ADAMTS3: variants seen among roughly 807,000 people sequenced by gnomAD.
ADAMTS3 encodes A disintegrin and metalloproteinase with thrombospondin motifs 3.
Under a neutral mutation model 129.0 loss-of-function variants are expected in ADAMTS3, and 73 were observed. That is an observed-to-expected ratio of 0.57 (90% CI 0.47 to 0.69). ADAMTS3 has a LOEUF of 0.69. ADAMTS3 is among the 30% of genes least tolerant of loss of function. ADAMTS3 has a pLI of 0.00. For missense variants in ADAMTS3, 1,457 were observed against 1,514.5 expected, an observed-to-expected ratio of 0.96 and a Z score of 0.63; for synonymous variants, 477 against 510.8, an observed-to-expected ratio of 0.93 and a Z score of 0.89.
intron 4 of ADAMTS3, among the ~76,000 whole-genome samples, chr4:72,373,912 AATAATAATAATAAT>A (rs1721076298): frequency 2.5e-4 from 2 of 7,932 alleles, no homozygotes; most frequent in Non-Finnish European, 9.4e-3. Context: ...TAATAATAAT[AATAATAATAATAAT>A]AATAATAATA....
intron 19 of ADAMTS3, among the ~76,000 whole-genome samples, chr4:72,295,309 A>G (rs1718777086): frequency 6.6e-6 from 1 of 151,984 alleles, no homozygotes; most frequent in Non-Finnish European, 1.5e-5. Context: ...TGGTCATAAA[A>G]TAATACAATC....
chr4:72,298,286 A>C lies in ADAMTS3; in HGVS notation c.2581T>G (p.Cys861Gly), dbSNP rs767156123. 1 of 1,611,870 alleles carries C rather than the reference A, an allele frequency of 6.2e-7. No homozygotes were observed. The highest frequency in any genetic ancestry group is 1.1e-5 in the South Asian group (1 of 90,886). ...LKSWSQCSKP[C>G]GGGFQYTKYG... ...TGTGTTCAATGGTTACCTCCACCACAGGGTTTGGAACACTGAGACCAGCTC... is the reference window on the plus strand; with the variant it reads ...TGTGTTCAATGGTTACCTCCACCACCGGGTTTGGAACACTGAGACCAGCTC... The change falls in exon 18 of 22, where the codon TGT becomes GGT. Residue 861 changes from cysteine to glycine, a missense_variant. Coordinates refer to ENST00000286657, the MANE Select transcript of ADAMTS3 (RefSeq NM_014243.3).
At chr4:72,383,335 C>T (rs763446759) in intron 4 of ADAMTS3, among the ~76,000 whole-genome samples, 2 of 152,132 alleles carry the variant, frequency 1.3e-5, no homozygotes, top group Non-Finnish European at 2.9e-5. Flanking sequence ...AAGAATGAAA[C>T]GACACATGGG....
At chr4:72,459,532 T>C (rs1718708841) in intron 3 of ADAMTS3, among the ~76,000 whole-genome samples, 1 of 151,576 alleles carries the variant, frequency 6.6e-6, no homozygotes, top group Admixed American at 6.6e-5. Context: ...GCTAGTTTTA[T>C]TTAATTTCCC....
intron 3 of ADAMTS3, among the ~76,000 whole-genome samples, chr4:72,504,702 A>G (rs1720112906): frequency 1.3e-5 from 2 of 152,142 alleles, no homozygotes; most frequent in African/African-American, 4.8e-5. Flanking sequence ...CAGAAACACC[A>G]ATAATTTGTA....
At chr4:72,426,538 T>A (rs540253001) in intron 3 of ADAMTS3, among the ~76,000 whole-genome samples, 1 of 152,232 alleles carries the variant, frequency 6.6e-6, no homozygotes, top group African/African-American at 2.4e-5. Flanking sequence ...TGTTATTTAT[T>A]TCCTTTCATT....
intron 3 of ADAMTS3, among the ~76,000 whole-genome samples, chr4:72,487,949 T>C (rs1313035110): frequency 6.6e-6 from 1 of 152,046 alleles, no homozygotes; most frequent in Non-Finnish European, 1.5e-5. Flanking sequence ...GCCCTTTTCT[T>C]ATTCATTTTC....
intron 4 of ADAMTS3, among the ~76,000 whole-genome samples, chr4:72,342,637 G>A (rs1720169234): frequency 1.3e-5 from 2 of 152,094 alleles, no homozygotes; most frequent in Non-Finnish European, 2.9e-5. Flanking sequence ...CTCCCAAAGT[G>A]CTGGGATTAT....
chr4:72,282,417 TTTC>T lies in ADAMTS3; in HGVS notation c.*716_*718del, dbSNP rs1203903212. On this transcript the variant is annotated 3_prime_UTR_variant, in exon 22 of 22. Transcript: ENST00000286657. ...TATCTGTATATCTATAGCTTTTGTG[TTTC>T]TTTTCTTTTTCTATAATTTACGTAT... 2 of 152,270 alleles carry T rather than the reference TTTC, an allele frequency of 1.3e-5. No homozygotes were observed. The highest frequency in any genetic ancestry group is 2.9e-5 in the Non-Finnish European group (2 of 68,030). 9.4% of individuals were successfully genotyped at this position (152,270 alleles called of 1,614,324 possible).
At chr4:72,468,686 A>G (rs549276401) in intron 3 of ADAMTS3, among the ~76,000 whole-genome samples, 2 of 152,142 alleles carry the variant, frequency 1.3e-5, no homozygotes, top group Admixed American at 1.3e-4. Context: ...GTTATTTCGA[A>G]CAACATTGCA....
At chr4:72,530,547 A>G (rs1349651729) in intron 3 of ADAMTS3, among the ~76,000 whole-genome samples, 1 of 83,894 alleles carries the variant, frequency 1.2e-5, no homozygotes, top group Non-Finnish European at 2.0e-5. Flanking sequence ...ATATTAATTT[A>G]AAATATATTG....
At chr4:72,484,321 T>TA (rs536600531) in intron 3 of ADAMTS3, among the ~76,000 whole-genome samples, 1 of 152,202 alleles carries the variant, frequency 6.6e-6, no homozygotes, top group South Asian at 2.1e-4. Context: ...TTTTTTCTTT[T>TA]AAAAAACATA....
intron 3 of ADAMTS3, among the ~76,000 whole-genome samples, chr4:72,477,751 G>A (rs1173209439): frequency 8.6e-5 from 13 of 151,950 alleles, no homozygotes; most frequent in South Asian, 2.1e-4. Flanking sequence ...ATGAATCCAG[G>A]AGCTGGTTTT....
intron 3 of ADAMTS3, among the ~76,000 whole-genome samples, chr4:72,418,876 T>C (rs1243494965): frequency 6.6e-6 from 1 of 152,220 alleles, no homozygotes; most frequent in African/African-American, 2.4e-5. Flanking sequence ...CATCCTCAAG[T>C]TTGCCATTCT....
Position 72,518,221 on chromosome 4 carries a change from T to C in ADAMTS3, c.504+30257A>G, listed in dbSNP as rs1289269784. Among the ~76,000 whole-genome samples the C allele has an allele frequency of 5.9e-5, 9 of 152,300 alleles. No individual in the cohort carries two copies. The East Asian group carries it at 1.4e-3, about 23-fold the overall frequency. ...GAGAGACAGTTTGTTATAATTTCTG[T>C]TCTTTTACATTTGCTGAGGAGACCT... On this transcript the variant is annotated intron_variant, in intron 3 of 21. Coordinates refer to ENST00000286657, the MANE Select transcript of ADAMTS3 (RefSeq NM_014243.3).
chr4:72,283,299 G>T lies in ADAMTS3; in HGVS notation c.3455C>A (p.Pro1152His). 1 of 1,613,988 alleles carries T rather than the reference G, an allele frequency of 6.2e-7. No homozygotes were observed. The highest frequency in any genetic ancestry group is 1.7e-5 in the Admixed American group (1 of 60,000). The change falls in exon 22 of 22, where the codon CCC (proline) becomes CAC (histidine). Residue 1152 changes from proline (P) to histidine (H), a missense_variant. Pro to His is a moderately conservative substitution (Grantham distance 77). Coordinates refer to ENST00000286657, the MANE Select transcript of ADAMTS3 (RefSeq NM_014243.3). ...TGAACTGAGGTGGACCCTCTTGGTGGGTGGGGAGGATGGTACGGTGACCAG... is the reference window on the plus strand; with the variant it reads ...TGAACTGAGGTGGACCCTCTTGGTGTGTGGGGAGGATGGTACGGTGACCAG... ...VRLVTVPSSP[P>H]TKRVHLSSAS...
At chr4:72,530,132 TA>T (rs1315154796) in intron 3 of ADAMTS3, among the ~76,000 whole-genome samples, 15 of 684 alleles carry the variant, frequency 0.022, no homozygotes, top group African/African-American at 0.036. Flanking sequence ...TATTATAATA[TA>T]ATATATATTA....
intron 2 of ADAMTS3, among the ~76,000 whole-genome samples, chr4:72,551,217 T>A (rs1030197014): frequency 4.6e-5 from 7 of 152,238 alleles, no homozygotes; most frequent in African/African-American, 1.7e-4. Flanking sequence ...AACCAAAGTC[T>A]AAATCAGTAT....
At chr4:72,525,437 T>C (rs903289058) in intron 3 of ADAMTS3, among the ~76,000 whole-genome samples, 2 of 152,192 alleles carry the variant, frequency 1.3e-5, no homozygotes, top group African/African-American at 4.8e-5. Flanking sequence ...AGCTAGTATA[T>C]AGCATTAGAC....
Sources: gnomAD v4.1 joint callset for allele counts (sites outside exome capture counted in the v4.1 genomes callset) on GRCh38, gnomAD v4.1.1 for gene constraint, MANE v1.5 for transcripts, NCBI Gene and HGNC (gene_info 2026-07-23, HGNC 2026-07-21) for gene names.